The following NELL1 variants were observed in gnomAD, a reference collection of about 807,000 sequenced individuals.
NELL1 encodes the protein neural EGFL like 1, also known as protein kinase C-binding protein NELL1.
A neutral mutation model predicts 107.4 loss-of-function variants in NELL1; 76 were observed. The observed-to-expected ratio is 0.71, with a 90% CI of 0.59 to 0.86. The LOEUF (loss-of-function observed/expected upper bound fraction) is 0.86. NELL1 is among the 40% of genes least tolerant of loss of function. The pLI is 0.00. For synonymous variants in NELL1, 353 were observed against 341.2 expected (o/e 1.03, Z -0.38); for missense variants, 1,024 against 1,005.5 (o/e 1.02, Z -0.25).
chr11:20,703,430 G>T (rs1238830293), intron 2 of NELL1, among the ~76,000 whole-genome samples: 1 of 151,964 alleles, frequency 6.6e-6, no homozygotes, highest in Admixed American at 6.6e-5. Context: ...TATGAATTTT[G>T]TTGATCTTTT....
intron 5 of NELL1, among the ~76,000 whole-genome samples, chr11:20,913,828 T>A (rs1850187168): frequency 8.0e-6 from 1 of 124,864 alleles, no homozygotes; most frequent in Non-Finnish European, 1.6e-5. Flanking sequence ...AAATTAATAG[T>A]GTAAATAAGA....
chr11:21,487,062 G>A (rs1425641141), intron 15 of NELL1, among the ~76,000 whole-genome samples: 1 of 152,124 alleles, frequency 6.6e-6, no homozygotes, highest in African/African-American at 2.4e-5. Flanking sequence ...TGAAATAATG[G>A]ATGGAAACCA....
chr11:20,789,179 G>A (rs894640255), intron 3 of NELL1, among the ~76,000 whole-genome samples: 1 of 152,144 alleles, frequency 6.6e-6, no homozygotes, highest in East Asian at 1.9e-4. Flanking sequence ...CTACCCACTC[G>A]GCCTGGCAGG....
At chr11:21,545,625 A>G (rs1856422667) in intron 16 of NELL1, among the ~76,000 whole-genome samples, 1 of 151,706 alleles carries the variant, frequency 6.6e-6, no homozygotes, top group African/African-American at 2.4e-5. Flanking sequence ...AAGACCTTGA[A>G]GTTGATAAGC....
chr11:21,225,059 G>C (rs1367061213), intron 13 of NELL1, among the ~76,000 whole-genome samples: 1 of 152,148 alleles, frequency 6.6e-6, no homozygotes, highest in East Asian at 1.9e-4. Flanking sequence ...CACAGGCTCA[G>C]ATGCTATGGT....
intron 2 of NELL1, among the ~76,000 whole-genome samples, chr11:20,748,242 C>T (rs576460473): frequency 1.4e-4 from 22 of 152,202 alleles, no homozygotes; most frequent in Non-Finnish European, 2.5e-4. Flanking sequence ...TCTACATGTC[C>T]AGCAGTGTCT....
At chr11:20,950,986 C>T (rs75748931) in intron 11 of NELL1, among the ~76,000 whole-genome samples, 5,468 of 152,318 alleles carry the variant, frequency 0.036, 135 homozygotes, top group Middle Eastern at 0.095. Context: ...TACCCTATGA[C>T]GGTATCATTC....
At chr11:21,050,422 T>C (rs1286327789) in intron 12 of NELL1, among the ~76,000 whole-genome samples, 1 of 152,126 alleles carries the variant, frequency 6.6e-6, no homozygotes, top group Admixed American at 6.5e-5. Flanking sequence ...AAATTGGCTT[T>C]TTTTTTTGAA....
At chr11:21,564,670 G>C (rs775105009) in intron 17 of NELL1, among the ~76,000 whole-genome samples, 2 of 151,896 alleles carry the variant, frequency 1.3e-5, no homozygotes, top group African/African-American at 2.4e-5. Context: ...CTAAAGACTT[G>C]AGCAGTGTTA....
At chr11:20,939,212 A>G (rs1365821853) in intron 10 of NELL1, among the ~76,000 whole-genome samples, 1 of 152,110 alleles carries the variant, frequency 6.6e-6, no homozygotes, top group Non-Finnish European at 1.5e-5. Context: ...GGAGAAACCC[A>G]GATGATGTCC....
intron 14 of NELL1, chr11:21,283,911 C>T (rs2133950769): frequency 4.2e-6 from 1 of 240,830 alleles, no homozygotes; most frequent in Non-Finnish European, 8.3e-6. Flanking sequence ...TTTTCTCACA[C>T]AATTCCTCCA....
chr11:21,208,593 A>C (rs976089545), intron 13 of NELL1, among the ~76,000 whole-genome samples: 3 of 151,976 alleles, frequency 2.0e-5, no homozygotes, highest in African/African-American at 7.2e-5. Context: ...CTGCACCTCT[A>C]TCCTTTCTTC....
chr11:21,308,610 G>A (rs1000010102), intron 14 of NELL1, among the ~76,000 whole-genome samples: 3 of 151,916 alleles, frequency 2.0e-5, no homozygotes, highest in Non-Finnish European at 2.9e-5. Flanking sequence ...TTGAAGGGAT[G>A]ATCAGGATCT....
intron 14 of NELL1, among the ~76,000 whole-genome samples, chr11:21,253,290 G>C (rs1858685695): frequency 6.6e-6 from 1 of 151,960 alleles, no homozygotes; most frequent in African/African-American, 2.4e-5. Flanking sequence ...TAGTTTCATG[G>C]CTATTTTTAT....
intron 12 of NELL1, among the ~76,000 whole-genome samples, chr11:21,027,438 T>C (rs796811482): frequency 1.6e-4 from 25 of 152,222 alleles, no homozygotes; most frequent in African/African-American, 6.0e-4. Context: ...TTAACAAAGG[T>C]AAATGAAACA....
chr11:21,365,134 G>A (rs913858560), intron 14 of NELL1, among the ~76,000 whole-genome samples: 3 of 152,104 alleles, frequency 2.0e-5, no homozygotes, highest in Non-Finnish European at 2.9e-5. Context: ...CACTGTGTTC[G>A]TGCTACTGCA....
At chr11:21,288,224 G>A (rs1403275182) in intron 14 of NELL1, among the ~76,000 whole-genome samples, 1 of 152,210 alleles carries the variant, frequency 6.6e-6, no homozygotes, top group Non-Finnish European at 1.5e-5. Flanking sequence ...ATTGCAAAAT[G>A]CTCTTGTCTG....
rs1857555578 is a variant in NELL1 at position 20,813,685 on chromosome 11, A to C, written c.335+29855A>C. 3.3e-5 allele frequency among the ~76,000 whole-genome samples: 5 copies of C among 152,208 alleles called. No individual in the cohort carries two copies. In the South Asian group the frequency reaches 1.0e-3, roughly 31 times the overall value. On this transcript the variant is annotated intron_variant, in intron 3 of 19. Transcript: ENST00000357134. ...AAAACATGATTATGTATTTGTTAAA[A>C]AGAGAAAATGAATTCATTTTGTGCC...
At chr11:20,678,819 G>A (rs958864348) in intron 2 of NELL1, among the ~76,000 whole-genome samples, 3 of 152,230 alleles carry the variant, frequency 2.0e-5, no homozygotes, top group African/African-American at 2.4e-5. Context: ...TTTAATCACT[G>A]TCTAAAGGCC....
Sources: allele counts gnomAD v4.1 joint callset (sites outside exome capture counted in the v4.1 genomes callset), GRCh38; gene constraint gnomAD v4.1.1; transcripts MANE v1.5; gene names NCBI Gene and HGNC (gene_info 2026-07-23, HGNC 2026-07-21).